Variants in SYT17 observed in about 807,000 individuals in gnomAD.
SYT17 encodes synaptotagmin 17.
In SYT17, 22 loss-of-function variants were observed where a neutral mutation model predicts 46.7. The observed-to-expected ratio is 0.47, with a 90% CI of 0.34 to 0.67. The LOEUF (loss-of-function observed/expected upper bound fraction) is 0.67. SYT17 is among the 30% of genes least tolerant of loss of function. The pLI is 0.01. For synonymous variants in SYT17, 251 were observed against 248.4 expected (o/e 1.01, Z -0.10); for missense variants, 519 against 612.8 (o/e 0.85, Z 1.62).
intron 7 of SYT17, among the ~76,000 whole-genome samples, chr16:19,233,069 G>T (rs750372180): frequency 2.0e-5 from 3 of 152,184 alleles, no homozygotes; most frequent in Non-Finnish European, 4.4e-5. Context: ...TCTTGTGCAG[G>T]CTGGGTTGGC....
In SYT17 at chr16:19,183,578, G is replaced by A. The variant is rs756705182; in HGVS notation, c.382G>A (p.Glu128Lys). ...SSPLIDIKPI[E>K]FGVLSAKKEP... The stretch of plus-strand genomic sequence containing the variant: ...TCCACTCATCGATATTAAACCCATC[G>A]AGTTTGGCGTTCTCAGCGCCAAGAA... Residue 128 changes from glutamate (E) to lysine (K), a missense_variant, in exon 5 of 8, where the codon GAG becomes AAG. Transcript: ENST00000355377. The surrounding 1 kb of genome is among the most constrained non-coding windows in gnomAD (Gnocchi z 5.6). 13 of 1,614,146 alleles carry A rather than the reference G, an allele frequency of 8.1e-6. No individual in the cohort carries two copies. The highest frequency in any genetic ancestry group is 1.6e-4 in the Middle Eastern group (1 of 6,062).
intron 7 of SYT17, chr16:19,249,832 C>T: frequency 6.1e-6 from 7 of 1,156,556 alleles, no homozygotes; most frequent in Non-Finnish European, 8.3e-6. Context: ...TTATTGGAGT[C>T]ATTGGGATAA....
intron 1 of SYT17, chr16:19,171,288 C>T: frequency 1.1e-5 from 1 of 89,894 alleles, no homozygotes; most frequent in Non-Finnish European, 2.3e-5. Context: ...ACCACCTATA[C>T]TATGATGATG....
chr16:19,187,201 G>T (rs929624357), intron 5 of SYT17, among the ~76,000 whole-genome samples: 3 of 151,964 alleles, frequency 2.0e-5, no homozygotes, highest in Admixed American at 2.0e-4. Context: ...CACCTGGTTA[G>T]TTTTTAAAAA....
intron 7 of SYT17, among the ~76,000 whole-genome samples, chr16:19,264,728 A>G (rs1468917630): frequency 6.6e-6 from 1 of 151,906 alleles, no homozygotes; most frequent in Non-Finnish European, 1.5e-5. Context: ...AGTAGCTGGG[A>G]CTACAGGCAC....
intron 2 of SYT17, 53 bp from the exon 3 acceptor site, chr16:19,173,377 T>TG: frequency 5.2e-5 from 7 of 133,942 alleles, no homozygotes; most frequent in Middle Eastern, 2.4e-3. Context: ...TTCCCCACCC[T>TG]GCCCACCTCC....
At chr16:19,213,180 G>C (rs934461653) in intron 5 of SYT17, among the ~76,000 whole-genome samples, 3 of 152,350 alleles carry the variant, frequency 2.0e-5, no homozygotes, top group African/African-American at 7.2e-5. Flanking sequence ...ACTTCTGTAG[G>C]AAGGTGTTTC....
intron 5 of SYT17, among the ~76,000 whole-genome samples, chr16:19,184,459 C>T (rs1465740345): frequency 1.3e-5 from 2 of 151,318 alleles, no homozygotes; most frequent in Non-Finnish European, 2.9e-5. Context: ...GATCTTGGCT[C>T]ACTGCAAACT....
chr16:19,173,935 G>T (rs2142513119), intron 3 of SYT17, among the ~76,000 whole-genome samples: 1 of 152,286 alleles, frequency 6.6e-6, no homozygotes, highest in East Asian at 1.9e-4. Flanking sequence ...TTCTTCAGGG[G>T]CTGACCGCAT....
intron 5 of SYT17, among the ~76,000 whole-genome samples, chr16:19,194,653 G>A (rs1481034942): frequency 1.3e-5 from 2 of 152,160 alleles, no homozygotes; most frequent in Non-Finnish European, 2.9e-5. Context: ...TGGAGTGCAG[G>A]GGTGCGATCA....
At chr16:19,194,857 C>T (rs1377288793) in intron 5 of SYT17, among the ~76,000 whole-genome samples, 2 of 152,176 alleles carry the variant, frequency 1.3e-5, no homozygotes, top group African/African-American at 2.4e-5. Flanking sequence ...CTTGGCCTCC[C>T]GAAGTCCTGA....
intron 4 of SYT17, among the ~76,000 whole-genome samples, chr16:19,181,846 A>G (rs1964568923): frequency 6.6e-6 from 1 of 152,110 alleles, no homozygotes; most frequent in Non-Finnish European, 1.5e-5. Context: ...CTAAAAATAC[A>G]AAATTAGACG....
At chr16:19,227,157 C>CCA (rs1195761726) in intron 7 of SYT17, among the ~76,000 whole-genome samples, 1 of 152,190 alleles carries the variant, frequency 6.6e-6, no homozygotes, top group African/African-American at 2.4e-5. Flanking sequence ...GTGCTGAGCA[C>CCA]TGTGCCACCC....
chr16:19,244,625 G>C (rs4401035), intron 7 of SYT17, among the ~76,000 whole-genome samples: 5,820 of 152,154 alleles, frequency 0.038, 393 homozygotes, highest in African/African-American at 0.13. Context: ...ATGAGCCACC[G>C]AGCCTGGACC....
chr16:19,244,159 G>A (rs767623292), intron 7 of SYT17, among the ~76,000 whole-genome samples: 4 of 152,124 alleles, frequency 2.6e-5, no homozygotes, highest in Admixed American at 2.0e-4. Flanking sequence ...ACAACCAGAC[G>A]AGGTAGGTTC....
intron 7 of SYT17, among the ~76,000 whole-genome samples, chr16:19,236,068 C>T (rs570925325): frequency 1.3e-5 from 2 of 152,280 alleles, no homozygotes; most frequent in African/African-American, 4.8e-5. Flanking sequence ...CCCCAGACAA[C>T]CCCTGAGTTC....
intron 5 of SYT17, among the ~76,000 whole-genome samples, chr16:19,209,571 A>G (rs956602080): frequency 1.3e-5 from 2 of 152,166 alleles, no homozygotes; most frequent in Non-Finnish European, 2.9e-5. Context: ...TTGCACTCAC[A>G]TAGAAAGTCA....
intron 7 of SYT17, among the ~76,000 whole-genome samples, chr16:19,248,706 C>G (rs1967783002): frequency 1.3e-5 from 2 of 152,046 alleles, no homozygotes; most frequent in South Asian, 4.2e-4. Flanking sequence ...CCTGTAATCC[C>G]AGGTACTTTG....
At chr16:19,251,644 T>G (rs1968077501) in intron 7 of SYT17, among the ~76,000 whole-genome samples, 1 of 152,108 alleles carries the variant, frequency 6.6e-6, no homozygotes, top group Non-Finnish European at 1.5e-5. Context: ...GACAGCTTCC[T>G]CTTCCCAGGG....
Sources: gnomAD v4.1 joint callset for allele counts (sites outside exome capture counted in the v4.1 genomes callset) on GRCh38, gnomAD v4.1.1 for gene constraint, Gnocchi (gnomAD v3.1) non-coding constraint, MANE v1.5 for transcripts, NCBI Gene and HGNC (gene_info 2026-07-23, HGNC 2026-07-21) for gene names.